APBA2: variants seen among roughly 807,000 people sequenced by gnomAD.
APBA2 encodes amyloid-beta A4 precursor protein-binding family A member 2.
In APBA2, 30 loss-of-function variants were observed where a neutral mutation model predicts 75.0. The observed-to-expected ratio is 0.40, with a 90% CI of 0.30 to 0.54. The LOEUF (loss-of-function observed/expected upper bound fraction) is 0.54. Ranked by LOEUF, APBA2 falls within the 20% of genes least tolerant of loss-of-function variation. APBA2 has a pLI of 0.49. For synonymous variants in APBA2, 444 were observed against 409.6 expected, an observed-to-expected ratio of 1.08 and a Z score of -1.01; for missense variants, 801 against 1,016.1, an observed-to-expected ratio of 0.79 and a Z score of 2.88.
In APBA2 at chr15:29,106,720, T is replaced by G. The variant is rs1453567031; in HGVS notation, c.1818T>G (p.Ala606=). The G allele has an allele frequency of 4.3e-6, 7 of 1,612,896 alleles. No homozygotes were observed. Among genetic ancestry groups the G allele is most frequent in the Non-Finnish European group, 5.9e-6 (7 of 1,180,002 alleles). Residue 606 remains alanine (A), a synonymous_variant, in exon 12 of 15, where the codon GCT becomes GCG. Coordinates refer to ENST00000683413, the MANE Select transcript of APBA2 (RefSeq NM_001353788.2). ...CCAACATGATGAATGGCGGCCCGGC[T>G]GCCCGCTCGGGGAAGCTGAGCATCG... ...ILANMMNGGP[A]ARSGKLSIGD... is the part of the protein sequence containing the mutation.
intron 2 of APBA2, among the ~76,000 whole-genome samples, chr15:28,968,845 T>A (rs928451841): frequency 6.6e-6 from 1 of 152,146 alleles, no homozygotes; most frequent in Non-Finnish European, 1.5e-5. Flanking sequence ...GATGGGAAGA[T>A]GTGGTGACTC....
In APBA2 at chr15:29,053,871, T is replaced by C. The variant is rs112707956; in HGVS notation, c.-14T>C. The stretch of plus-strand genomic sequence containing the variant: ...GGCTGCCTCCGGGTGATGATGGCTG[T>C]GTGAACGACTGCCATGGCCCACCGG... On this transcript the variant is annotated 5_prime_UTR_variant, in exon 4 of 15. Coordinates refer to ENST00000683413, the MANE Select transcript of APBA2 (RefSeq NM_001353788.2). 9,094 of 1,607,782 alleles carry C rather than the reference T, an allele frequency of 5.7e-3. 428 individuals carry two copies. In the African/African-American group the frequency reaches 0.1, roughly 18 times the overall value.
intron 2 of APBA2, among the ~76,000 whole-genome samples, chr15:28,981,531 A>G (rs1389094086): frequency 6.6e-6 from 1 of 152,224 alleles, no homozygotes; most frequent in Non-Finnish European, 1.5e-5. Context: ...GGCTCTGAGG[A>G]AAAGGGAACT....
intron 2 of APBA2, among the ~76,000 whole-genome samples, chr15:28,939,708 G>A (rs2035080255): frequency 6.6e-6 from 1 of 152,168 alleles, no homozygotes; most frequent in South Asian, 2.1e-4. Flanking sequence ...TGGTGCATGC[G>A]GTGCTGACAG....
chr15:28,951,696 C>T (rs949456006), intron 2 of APBA2, among the ~76,000 whole-genome samples: 31 of 151,986 alleles, frequency 2.0e-4, no homozygotes, highest in African/African-American at 6.5e-4. Context: ...GCAACTTTCC[C>T]GCCTCAGCCT....
chr15:29,006,205 G>A (rs377634294), intron 3 of APBA2, among the ~76,000 whole-genome samples: 4 of 152,174 alleles, frequency 2.6e-5, no homozygotes, highest in South Asian at 4.1e-4. Flanking sequence ...GACTTCACAC[G>A]AAACACACAA....
intron 4 of APBA2, among the ~76,000 whole-genome samples, chr15:29,070,166 G>T (rs55938509): frequency 0.03 from 4,504 of 152,216 alleles, 134 homozygotes; most frequent in African/African-American, 0.073. Flanking sequence ...TAGTGGTGAG[G>T]GTTGTACAAC....
chr15:29,016,379 A>G (rs1236245545), intron 3 of APBA2, among the ~76,000 whole-genome samples: 2 of 152,194 alleles, frequency 1.3e-5, no homozygotes, highest in African/African-American at 4.8e-5. Context: ...TGCATGTCAC[A>G]AGGAAGCACA....
At chr15:28,931,696 G>A (rs79184819) in intron 2 of APBA2, among the ~76,000 whole-genome samples, 2,401 of 152,242 alleles carry the variant, frequency 0.016, 56 homozygotes, top group African/African-American at 0.048. Context: ...GTTGTTTTCC[G>A]GAGTTTGGCA....
chr15:29,070,443 G>A (rs920524455), intron 4 of APBA2, among the ~76,000 whole-genome samples: 1 of 152,148 alleles, frequency 6.6e-6, no homozygotes, highest in African/African-American at 2.4e-5. Context: ...GTGTCTTGTC[G>A]TGATACTTTT....
rs1252838519 is a variant in APBA2, at chr15:29,106,810, C to G, written c.1908C>G (p.Gly636=). 6.2e-7 allele frequency: 1 copy of G among 1,612,704 alleles called. No individual in the cohort carries two copies. The highest frequency in any genetic ancestry group is 8.5e-7 in the Non-Finnish European group (1 of 1,179,808). ...GGCTGCCCCTCGCCACCTGCCAAGG[C>G]ATCATCAAGGTAGGCACCCTGGGAT... ...LVGLPLATCQ[G]IIKGLKNQTQ... Residue 636 remains glycine, a synonymous_variant, in exon 12 of 15, where the codon GGC becomes GGG. Coordinates refer to ENST00000683413, the MANE Select transcript of APBA2 (RefSeq NM_001353788.2).
chr15:28,919,696 C>T (rs1165489696), intron 1 of APBA2, among the ~76,000 whole-genome samples: 3 of 152,190 alleles, frequency 2.0e-5, no homozygotes, highest in Non-Finnish European at 4.4e-5. Flanking sequence ...TGTCTTGTCC[C>T]AGAAGGGCTG....
intron 2 of APBA2, among the ~76,000 whole-genome samples, chr15:28,994,714 G>A (rs1038342500): frequency 6.6e-6 from 1 of 152,154 alleles, no homozygotes; most frequent in African/African-American, 2.4e-5. Flanking sequence ...GCAACTGGCC[G>A]CTTTCTTAGA....
chr15:29,068,243 A>G (rs749868436), intron 4 of APBA2, among the ~76,000 whole-genome samples: 3 of 152,226 alleles, frequency 2.0e-5, no homozygotes, highest in Admixed American at 1.3e-4. Context: ...AACTGTGCAC[A>G]CAGGGCTTCT....
At chr15:29,022,663 T>C (rs2040012856) in intron 3 of APBA2, among the ~76,000 whole-genome samples, 1 of 152,188 alleles carries the variant, frequency 6.6e-6, no homozygotes, top group Non-Finnish European at 1.5e-5. Flanking sequence ...TATACTCTCG[T>C]GGAATAAAAA....
chr15:28,920,193 C>G (rs994936446), intron 1 of APBA2, among the ~76,000 whole-genome samples: 5 of 152,128 alleles, frequency 3.3e-5, no homozygotes, highest in Non-Finnish European at 5.9e-5. Flanking sequence ...GTGATTTCCC[C>G]TAGAATTCAG....
At position 29,118,098 on chromosome 15, in the gene APBA2, C is replaced by A. The variant is rs2152991872; in HGVS notation, c.*965C>A. On this transcript the variant is annotated 3_prime_UTR_variant, in exon 15 of 15. Coordinates refer to ENST00000683413, the MANE Select transcript of APBA2 (RefSeq NM_001353788.2). The stretch of plus-strand genomic sequence containing the variant: ...GTAGATCAAGTCGGATCTAGTCCAG[C>A]TCGGTTCATTAGCGATCCATGTAAT... 6.8e-6 allele frequency: 1 copy of A among 147,814 alleles called. No individual in the cohort carries two copies. Among genetic ancestry groups the A allele is most frequent in the Non-Finnish European group, 1.5e-5 (1 of 66,120 alleles). 9.2% of individuals were successfully genotyped at this position (147,814 alleles called of 1,614,324 possible).
Position 29,095,892 on chromosome 15 carries a change from G to A in APBA2, c.1251+1579G>A, listed in dbSNP as rs146705888. ...TGGGGTGTGCTTTTCTCAAAAGAGAGGGGCCCTCGCTTGCAGCCTCCTAGT... is the reference window on the plus strand; with the variant it reads ...TGGGGTGTGCTTTTCTCAAAAGAGAAGGGCCCTCGCTTGCAGCCTCCTAGT... On this transcript the variant is annotated intron_variant, in intron 8 of 14. Coordinates refer to ENST00000683413, the MANE Select transcript of APBA2 (RefSeq NM_001353788.2). 2.0e-4 allele frequency among the ~76,000 whole-genome samples: 30 copies of A among 152,336 alleles called. No homozygotes were observed. In the East Asian group the frequency reaches 5.8e-3, roughly 29 times the overall value.
At chr15:28,926,609 T>A (rs1028354429) in intron 2 of APBA2, among the ~76,000 whole-genome samples, 2 of 152,134 alleles carry the variant, frequency 1.3e-5, no homozygotes, top group Admixed American at 1.3e-4. Context: ...CATTTATTCC[T>A]TTTTGAATAC....
Sources: allele counts gnomAD v4.1 joint callset (sites outside exome capture counted in the v4.1 genomes callset), GRCh38; gene constraint gnomAD v4.1.1; transcripts MANE v1.5; gene names NCBI Gene and HGNC (gene_info 2026-07-23, HGNC 2026-07-21).